The following EPHA6 variants were observed in gnomAD, a reference collection of about 807,000 sequenced individuals.
EPHA6 encodes EPH receptor A6.
In EPHA6, 50 loss-of-function variants were observed where a neutral mutation model predicts 112.0. The ratio of observed to expected loss-of-function variants is 0.45; its 90% CI spans 0.36 to 0.56. The LOEUF (loss-of-function observed/expected upper bound fraction) is 0.56. Ranked by LOEUF, EPHA6 falls within the 20% of genes least tolerant of loss-of-function variation. The pLI is 0.00. For missense variants in EPHA6, 1,280 were observed against 1,417.4 expected (o/e 0.90, Z 1.56); for synonymous variants, 529 against 490.7 (o/e 1.08, Z -1.03).
chr3:97,493,510 G>A (rs879029758), intron 10 of EPHA6, among the ~76,000 whole-genome samples: 5 of 151,924 alleles, frequency 3.3e-5, no homozygotes, highest in East Asian at 3.9e-4. Context: ...TTAGGGTCCC[G>A]CTCTGAAAAC....
At chr3:97,077,680 G>A (rs1331284148) in intron 3 of EPHA6, among the ~76,000 whole-genome samples, 1 of 152,070 alleles carries the variant, frequency 6.6e-6, no homozygotes, top group Non-Finnish European at 1.5e-5. Flanking sequence ...TGCTGAGAAT[G>A]ATGGTTTCCA....
rs1448227957 is a variant in EPHA6, at chr3:97,243,997, C to G, written c.1316C>G (p.Thr439Arg). The change falls in exon 5 of 18, where the codon ACA becomes AGA. Residue 439 changes from threonine to arginine, a missense_variant. Thr to Arg is a moderately conservative substitution (Grantham distance 71). This residue lies in a region of EPHA6 where 878 missense variants were observed against 999.7 expected (regional missense o/e 0.88). Coordinates refer to ENST00000389672, the MANE Select transcript of EPHA6 (RefSeq NM_001080448.3). ...AATGTGGTTTTTAACATCAATGAAACAGCCCTTATTTTGGAATGGAGCCCA... is the reference window on the plus strand; with the variant it reads ...AATGTGGTTTTTAACATCAATGAAAGAGCCCTTATTTTGGAATGGAGCCCA... ...PRNVVFNINE[T>R]ALILEWSPPS... 1.2e-6 allele frequency: 2 copies of G among 1,612,028 alleles called. No individual in the cohort carries two copies. Among genetic ancestry groups the G allele is most frequent in the South Asian group, 1.1e-5 (1 of 90,960 alleles).
chr3:96,917,151 T>G (rs2039523095), intron 2 of EPHA6, among the ~76,000 whole-genome samples: 1 of 152,090 alleles, frequency 6.6e-6, no homozygotes. Context: ...CCGGGTGTGG[T>G]GGCTCGCACC....
intron 5 of EPHA6, among the ~76,000 whole-genome samples, chr3:97,258,999 A>G (rs2108614731): frequency 6.6e-6 from 1 of 152,286 alleles, no homozygotes; most frequent in African/African-American, 2.4e-5. Flanking sequence ...TTCCATACAT[A>G]CAGGTCCTGC....
chr3:97,566,289 C>T (rs2093265753), intron 11 of EPHA6, among the ~76,000 whole-genome samples: 1 of 152,072 alleles, frequency 6.6e-6, no homozygotes, highest in African/African-American at 2.4e-5. Flanking sequence ...GGGACGTGCC[C>T]CCATTACCCA....
At chr3:97,440,193 T>A (rs1577419137) in intron 6 of EPHA6, among the ~76,000 whole-genome samples, 1 of 152,264 alleles carries the variant, frequency 6.6e-6, no homozygotes, top group Non-Finnish European at 1.5e-5. Context: ...AAGATTAATT[T>A]ATTTAAGATG....
At chr3:96,907,488 A>G (rs143872283) in intron 2 of EPHA6, among the ~76,000 whole-genome samples, 7 of 104,812 alleles carry the variant, frequency 6.7e-5, no homozygotes, top group African/African-American at 2.2e-4. Flanking sequence ...ATTCATTTTG[A>G]TATTTCTCTC....
chr3:97,465,067 T>C (rs2091010124), intron 7 of EPHA6, among the ~76,000 whole-genome samples: 1 of 152,130 alleles, frequency 6.6e-6, no homozygotes, highest in Admixed American at 6.6e-5. Context: ...CAGTGCCATA[T>C]TGTGAAGATA....
At chr3:97,401,891 G>A (rs1312335893) in intron 5 of EPHA6, among the ~76,000 whole-genome samples, 1 of 151,796 alleles carries the variant, frequency 6.6e-6, no homozygotes, top group Non-Finnish European at 1.5e-5. Flanking sequence ...TCAAGAAAAT[G>A]TGTAATTTCT....
intron 5 of EPHA6, among the ~76,000 whole-genome samples, chr3:97,347,277 C>T (rs972963336): frequency 2.0e-5 from 3 of 151,950 alleles, no homozygotes; most frequent in Admixed American, 6.6e-5. Context: ...ACAATTAATT[C>T]TCTATTTTTC....
chr3:97,249,502 C>T (rs1466808880), intron 5 of EPHA6, among the ~76,000 whole-genome samples: 1 of 152,050 alleles, frequency 6.6e-6, no homozygotes, highest in East Asian at 1.9e-4. Flanking sequence ...TAATTGAATA[C>T]TATAGGAAAG....
intron 11 of EPHA6, among the ~76,000 whole-genome samples, chr3:97,543,517 G>A (rs1433040449): frequency 6.6e-6 from 1 of 152,192 alleles, no homozygotes; most frequent in Non-Finnish European, 1.5e-5. Context: ...ATAGTTTGAA[G>A]TCAGGTAGCG....
rs199832386 is a variant in EPHA6, at chr3:96,899,049, C to CA, written c.450+32163dup. On this transcript the variant is annotated intron_variant, in intron 2 of 17. Transcript: ENST00000389672. ...TCTCAAAAAAAAAAACAAAAACAAA[C>CA]AAACAAAAAAAAAACAGGAATTTAT... Among the ~76,000 whole-genome samples the CA allele has an allele frequency of 5.5e-3, 791 of 143,866 alleles. 4 individuals carry two copies. Among genetic ancestry groups the CA allele is most frequent in the African/African-American group, 0.019 (710 of 37,048 alleles). The allele number at this position is 143,866 out of a possible 152,430, so 94.4% of individuals were successfully genotyped here.
chr3:97,734,752 T>A (rs2035183964), intron 15 of EPHA6, among the ~76,000 whole-genome samples: 1 of 152,068 alleles, frequency 6.6e-6, no homozygotes, highest in South Asian at 2.1e-4. Context: ...AAATTTTGCC[T>A]GTCTTTAAAT....
At chr3:96,978,986 T>C (rs960318881) in intron 2 of EPHA6, among the ~76,000 whole-genome samples, 1 of 152,208 alleles carries the variant, frequency 6.6e-6, no homozygotes, top group Non-Finnish European at 1.5e-5. Context: ...AATTAATTTT[T>C]TGTTGAACAT....
intron 3 of EPHA6, among the ~76,000 whole-genome samples, chr3:97,177,803 T>G (rs1299257726): frequency 6.6e-6 from 1 of 152,042 alleles, no homozygotes; most frequent in East Asian, 1.9e-4. Context: ...GCATGGAATA[T>G]CTCTTACCAT....
intron 3 of EPHA6, among the ~76,000 whole-genome samples, chr3:97,010,612 C>A (rs1409878834): frequency 6.6e-6 from 1 of 151,896 alleles, no homozygotes; most frequent in Non-Finnish European, 1.5e-5. Flanking sequence ...CAAAAGGTAA[C>A]CATCTTTTTA....
intron 2 of EPHA6, among the ~76,000 whole-genome samples, chr3:96,900,527 C>T (rs2038544669): frequency 6.6e-6 from 1 of 152,086 alleles, no homozygotes; most frequent in Non-Finnish European, 1.5e-5. Flanking sequence ...TACTCTGACA[C>T]CCATGGATAG....
intron 6 of EPHA6, chr3:97,447,734 T>C (rs1577441893): frequency 9.9e-7 from 1 of 1,012,034 alleles, no homozygotes. Context: ...CAGAATGCCC[T>C]GGCAAGTTCA....
Sources: gnomAD v4.1 joint callset for allele counts (sites outside exome capture counted in the v4.1 genomes callset) on GRCh38, gnomAD v4.1.1 for gene constraint, gnomAD v4.1.1 regional missense constraint, MANE v1.5 for transcripts, NCBI Gene and HGNC (gene_info 2026-07-23, HGNC 2026-07-21) for gene names.